RFX3: variants seen among roughly 807,000 people sequenced by gnomAD.
The protein encoded by RFX3 is transcription factor RFX3.
A neutral mutation model predicts 98.6 loss-of-function variants in RFX3; 14 were observed. The ratio of observed to expected loss-of-function variants is 0.14; its 90% CI spans 0.09 to 0.22. The LOEUF (loss-of-function observed/expected upper bound fraction) is 0.22, where lower values mean the gene tolerates loss of function less well. Among genes scored for constraint, RFX3 ranks in the 10% least tolerant of loss-of-function variants. The pLI is 1.00. For synonymous variants in RFX3, 383 were observed against 328.4 expected (o/e 1.17, Z -1.80); for missense variants, 639 against 926.9 (o/e 0.69, Z 4.03).
Position 3,369,279 on chromosome 9 carries a change from T to TC in RFX3, c.118-22516dup, listed in dbSNP as rs148802358. Among the ~76,000 whole-genome samples the TC allele has an allele frequency of 9.2e-3, 1,405 of 152,332 alleles. 21 individuals are homozygous for TC. The highest frequency in any genetic ancestry group is 0.032 in the African/African-American group (1,338 of 41,562). Reference sequence around the variant, plus strand: ...GTTTGATGACAGCCTGCTTTCTGGCTCATAGACTGACCTTCTTCCTATGTC... The same window carrying TC: ...GTTTGATGACAGCCTGCTTTCTGGCTCCATAGACTGACCTTCTTCCTATGTC... On this transcript the variant is annotated intron_variant, in intron 2 of 16. Transcript: ENST00000617270.
At position 3,266,446 on chromosome 9, in the gene RFX3, A is replaced by G. The variant is rs924127802; in HGVS notation, c.1358-141T>C. The G allele has an allele frequency of 6.6e-6, 3 of 451,254 alleles. No individual in the cohort carries two copies. In the Admixed American group the frequency reaches 1.2e-4, roughly 18 times the overall value. 28.0% of individuals were successfully genotyped at this position (451,254 alleles called of 1,614,324 possible). A position where few individuals can be genotyped will look rare whatever the true frequency, so the allele number is the denominator to read the frequency against. On this transcript the variant is annotated intron_variant, in intron 11 of 16. Coordinates refer to ENST00000617270, the MANE Select transcript of RFX3 (RefSeq NM_001282116.2). ...TGTCCTCATTGATGAAACTTTATTT[A>G]ACATTATTCCTAACTTTTTAAAGCA...
At chr9:3,311,272 G>C (rs998704748) in intron 4 of RFX3, among the ~76,000 whole-genome samples, 1 of 152,114 alleles carries the variant, frequency 6.6e-6, no homozygotes, top group South Asian at 2.1e-4. Flanking sequence ...TTTGAAATCA[G>C]GTAAGACAAA....
chr9:3,445,205 G>A (rs1008916280), intron 1 of RFX3, among the ~76,000 whole-genome samples: 1 of 150,178 alleles, frequency 6.7e-6, no homozygotes, highest in Non-Finnish European at 1.5e-5. Context: ...GTTTTCAAAT[G>A]TGTATTTGTC....
At chr9:3,244,409 C>T (rs1820364396) in intron 15 of RFX3, among the ~76,000 whole-genome samples, 1 of 152,196 alleles carries the variant, frequency 6.6e-6, no homozygotes, top group Admixed American at 6.5e-5. Context: ...GTACCTGGCA[C>T]ACAACTGCTA....
chr9:3,259,296 G>A (rs1822556001), intron 13 of RFX3, among the ~76,000 whole-genome samples: 1 of 151,880 alleles, frequency 6.6e-6, no homozygotes, highest in African/African-American at 2.4e-5. Flanking sequence ...AAGAAAAGAT[G>A]ATAATCTAAA....
intron 3 of RFX3, among the ~76,000 whole-genome samples, chr9:3,337,612 A>G (rs1833341265): frequency 6.6e-6 from 1 of 152,176 alleles, no homozygotes; most frequent in Admixed American, 6.5e-5. Context: ...CAGGGGTAGC[A>G]ATGGCAGACA....
intron 2 of RFX3, among the ~76,000 whole-genome samples, chr9:3,375,406 G>T (rs994686923): frequency 2.0e-5 from 3 of 152,110 alleles, no homozygotes; most frequent in African/African-American, 7.2e-5. Context: ...GCATGCTGCG[G>T]CCACATTTAA....
At chr9:3,517,867 A>C (rs934251481) in intron 1 of RFX3, among the ~76,000 whole-genome samples, 1 of 152,248 alleles carries the variant, frequency 6.6e-6, no homozygotes, top group Non-Finnish European at 1.5e-5. Context: ...AATGGTAAGA[A>C]TAACCATACA....
intron 15 of RFX3, among the ~76,000 whole-genome samples, chr9:3,242,626 T>G (rs1477523569): frequency 2.0e-5 from 3 of 152,210 alleles, no homozygotes; most frequent in East Asian, 1.9e-4. Flanking sequence ...AATGGAATTC[T>G]TTCACTGAGC....
intron 2 of RFX3, among the ~76,000 whole-genome samples, chr9:3,391,451 T>C (rs1366094224): frequency 6.6e-6 from 1 of 152,196 alleles, no homozygotes; most frequent in African/African-American, 2.4e-5. Flanking sequence ...AAACACTTTG[T>C]TGACAAAAAG....
intron 1 of RFX3, among the ~76,000 whole-genome samples, chr9:3,455,105 A>G (rs1847028238): frequency 6.6e-6 from 1 of 152,182 alleles, no homozygotes; most frequent in African/African-American, 2.4e-5. Flanking sequence ...GTAGCCAGAA[A>G]TATCTTCCAA....
rs1352069008 is a variant in RFX3 at position 3,277,365 on chromosome 9, T to G, written c.948A>C (p.Gln316His). ...GTSVEQTVIA[Q>H]SQHHQQFLDA... ...CTAAAAACTGTTGATGATGTTGGCT[T>G]TGGGCAATTACAGTTTGCTCAACAG... The change falls in exon 8 of 17, where the codon CAA (glutamine) becomes CAC (histidine). Residue 316 changes from glutamine to histidine, a missense_variant. Physicochemically the swap from Gln to His is conservative, Grantham distance 24. Transcript: ENST00000617270. 8.7e-6 allele frequency: 14 copies of G among 1,612,726 alleles called. No homozygotes were observed. Among genetic ancestry groups the G allele is most frequent in the Non-Finnish European group, 1.2e-5 (14 of 1,179,064 alleles).
At chr9:3,502,598 C>T (rs1193947349) in intron 1 of RFX3, among the ~76,000 whole-genome samples, 2 of 152,190 alleles carry the variant, frequency 1.3e-5, no homozygotes, top group Non-Finnish European at 2.9e-5. Flanking sequence ...AAAAATTATA[C>T]AGTATTCAAT....
At chr9:3,413,895 G>A (rs928218606) in intron 1 of RFX3, among the ~76,000 whole-genome samples, 3 of 152,024 alleles carry the variant, frequency 2.0e-5, no homozygotes, top group Admixed American at 1.3e-4. Context: ...TAGATAACAT[G>A]AAGAATGGTA....
At chr9:3,426,111 G>A (rs1843996326) in intron 1 of RFX3, among the ~76,000 whole-genome samples, 1 of 152,056 alleles carries the variant, frequency 6.6e-6, no homozygotes, top group African/African-American at 2.4e-5. Context: ...TTTATACCAT[G>A]TTTATGAACA....
At chr9:3,495,602 G>C (rs1277545911) in intron 1 of RFX3, among the ~76,000 whole-genome samples, 2 of 152,050 alleles carry the variant, frequency 1.3e-5, no homozygotes, top group East Asian at 3.8e-4. Flanking sequence ...AGTGGTTTTA[G>C]TTGAAAGACT....
At chr9:3,487,834 A>C (rs1850402567) in intron 1 of RFX3, among the ~76,000 whole-genome samples, 1 of 152,202 alleles carries the variant, frequency 6.6e-6, no homozygotes, top group Non-Finnish European at 1.5e-5. Context: ...CAAATTCTAG[A>C]GTAAGAGTCA....
chr9:3,505,751 AC>A (rs926156267), intron 1 of RFX3, among the ~76,000 whole-genome samples: 2 of 146,514 alleles, frequency 1.4e-5, no homozygotes, highest in African/African-American at 5.0e-5. Context: ...AACCTTCTCC[AC>A]CCCCATCATT....
At chr9:3,423,493 G>C (rs1323828166) in intron 1 of RFX3, among the ~76,000 whole-genome samples, 2 of 152,048 alleles carry the variant, frequency 1.3e-5, no homozygotes, top group African/African-American at 4.8e-5. Flanking sequence ...ACATGAGTGA[G>C]TCTCAACATT....
Sources: allele counts gnomAD v4.1 joint callset (sites outside exome capture counted in the v4.1 genomes callset), GRCh38; gene constraint gnomAD v4.1.1; transcripts MANE v1.5; gene names NCBI Gene and HGNC (gene_info 2026-07-23, HGNC 2026-07-21).